Variants in SYNPO2 observed in about 807,000 individuals in gnomAD.
The protein encoded by SYNPO2 is synaptopodin 2.
In SYNPO2, 56 loss-of-function variants were observed where a neutral mutation model predicts 85.0. The observed-to-expected ratio is 0.66, with a 90% CI of 0.53 to 0.82. The LOEUF is 0.82. SYNPO2 is among the 40% of genes least tolerant of loss of function. The pLI, the probability that SYNPO2 is intolerant of heterozygous loss-of-function variation, is 0.00. For missense variants in SYNPO2, 1,575 were observed against 1,534.2 expected, an observed-to-expected ratio of 1.03 and a Z score of -0.44; for synonymous variants, 602 against 591.1, an observed-to-expected ratio of 1.02 and a Z score of -0.27.
chr4:118,938,262 G>T (rs1030629163), intron 1 of SYNPO2, among the ~76,000 whole-genome samples: 1 of 152,176 alleles, frequency 6.6e-6, no homozygotes, highest in East Asian at 1.9e-4. Flanking sequence ...GAGGTTGGCA[G>T]TGAGCTGAGA....
chr4:118,896,408 G>T (rs547219192), intron 1 of SYNPO2, among the ~76,000 whole-genome samples: 4 of 152,276 alleles, frequency 2.6e-5, no homozygotes, highest in South Asian at 2.1e-4. Context: ...TAACAGATTC[G>T]TGATGAAACT....
chr4:118,988,083 G>A (rs1736283980), intron 1 of SYNPO2, among the ~76,000 whole-genome samples: 1 of 152,148 alleles, frequency 6.6e-6, no homozygotes, highest in Non-Finnish European at 1.5e-5. Context: ...ATCTGCACAT[G>A]TACTGCCTCA....
chr4:119,025,285 C>T (rs1379442513), intron 2 of SYNPO2, among the ~76,000 whole-genome samples: 1 of 152,186 alleles, frequency 6.6e-6, no homozygotes, highest in Non-Finnish European at 1.5e-5. Context: ...TTAAAACTCT[C>T]TGACCTTTTG....
intron 4 of SYNPO2, among the ~76,000 whole-genome samples, chr4:119,049,985 C>G (rs537049259): frequency 6.6e-6 from 1 of 152,168 alleles, no homozygotes; most frequent in South Asian, 2.1e-4. Context: ...TCCAAAATTT[C>G]TAAGATCTTA....
chr4:118,997,035 T>G (rs1736628588), intron 1 of SYNPO2, among the ~76,000 whole-genome samples: 1 of 151,084 alleles, frequency 6.6e-6, no homozygotes, highest in Non-Finnish European at 1.5e-5. Context: ...GGTCAGGAGA[T>G]CGAGACCATC....
chr4:118,985,865 C>T (rs1043227407), intron 1 of SYNPO2, among the ~76,000 whole-genome samples: 9 of 152,146 alleles, frequency 5.9e-5, no homozygotes, highest in African/African-American at 1.9e-4. Flanking sequence ...TGAACACCAC[C>T]ATTTACTACA....
intron 1 of SYNPO2, among the ~76,000 whole-genome samples, chr4:118,904,634 C>A (rs1470869704): frequency 6.6e-6 from 1 of 152,092 alleles, no homozygotes; most frequent in African/African-American, 2.4e-5. Context: ...CCCTCCCCCA[C>A]CTCCACCCCC....
upstream of SYNPO2, among the ~76,000 whole-genome samples, chr4:118,886,865 C>T (rs1732207409): frequency 6.6e-6 from 1 of 152,190 alleles, no homozygotes; most frequent in Admixed American, 6.5e-5. Context: ...TCATTGTCCT[C>T]ACTCCAGTGA....
At chr4:118,934,942 T>C (rs1216703703) in intron 1 of SYNPO2, among the ~76,000 whole-genome samples, 2 of 152,216 alleles carry the variant, frequency 1.3e-5, no homozygotes, top group African/African-American at 2.4e-5. Flanking sequence ...CCACAGAAAG[T>C]AAATTCAATC....
At chr4:118,977,372 C>G (rs190637263) in intron 1 of SYNPO2, among the ~76,000 whole-genome samples, 3 of 152,354 alleles carry the variant, frequency 2.0e-5, no homozygotes, top group South Asian at 2.1e-4. Context: ...CACGCCCACC[C>G]GGAACTCCAG....
intron 1 of SYNPO2, among the ~76,000 whole-genome samples, chr4:118,965,767 A>G (rs1028563522): frequency 5.9e-5 from 9 of 152,074 alleles, no homozygotes; most frequent in African/African-American, 1.9e-4. Context: ...ACATTCTGGG[A>G]AGTACGTACA....
At chr4:118,991,223 C>T (rs1369404262) in intron 1 of SYNPO2, among the ~76,000 whole-genome samples, 1 of 152,198 alleles carries the variant, frequency 6.6e-6, no homozygotes. Context: ...TCTTGACTCA[C>T]TGCAACCTCT....
intron 1 of SYNPO2, among the ~76,000 whole-genome samples, chr4:118,903,077 G>A (rs1445431922): frequency 6.6e-6 from 1 of 152,040 alleles, no homozygotes; most frequent in East Asian, 1.9e-4. Flanking sequence ...GTAGAATAAG[G>A]TACTATGTAA....
intron 1 of SYNPO2, among the ~76,000 whole-genome samples, chr4:118,992,311 G>T (rs1223013116): frequency 6.6e-6 from 1 of 152,164 alleles, no homozygotes. Context: ...GTCTGAGGAA[G>T]GACTGAAATA....
intron 1 of SYNPO2, among the ~76,000 whole-genome samples, chr4:118,983,454 C>T (rs547459805): frequency 2.2e-4 from 33 of 152,316 alleles, no homozygotes; most frequent in African/African-American, 7.9e-4. Context: ...ATGAGCTACT[C>T]ATCTCCAGGT....
At chr4:118,883,420 T>C (rs1478850370) in intron 1 of SYNPO2, among the ~76,000 whole-genome samples, 2 of 152,230 alleles carry the variant, frequency 1.3e-5, no homozygotes, top group South Asian at 4.1e-4. Flanking sequence ...TATGAAATTA[T>C]TGCAGAATAA....
chr4:119,032,829 G>A, intron 4 of SYNPO2: 10 of 905,890 alleles, frequency 1.1e-5, no homozygotes, highest in Non-Finnish European at 1.3e-5. Flanking sequence ...AGACCAGCCT[G>A]AGCAACATAG....
chr4:118,899,313 TA>T (rs1732645053), intron 1 of SYNPO2, among the ~76,000 whole-genome samples: 1 of 152,196 alleles, frequency 6.6e-6, no homozygotes, highest in African/African-American at 2.4e-5. Context: ...AAGCATGAGA[TA>T]AAAGGTGAAA....
chr4:118,992,479 A>G (rs988974996), intron 1 of SYNPO2, among the ~76,000 whole-genome samples: 2 of 152,186 alleles, frequency 1.3e-5, no homozygotes, highest in African/African-American at 4.8e-5. Flanking sequence ...TGATGGTGCC[A>G]TCACTTGTCA....
Sources: allele counts gnomAD v4.1 joint callset (sites outside exome capture counted in the v4.1 genomes callset), GRCh38; gene constraint gnomAD v4.1.1; transcripts MANE v1.5; gene names NCBI Gene and HGNC (gene_info 2026-07-23, HGNC 2026-07-21).